Variants in CEP192 observed in about 807,000 individuals in gnomAD.
CEP192 encodes centrosomal protein of 192 kDa.
CEP192 carries 151 observed loss-of-function variants against 271.8 expected under a neutral mutation model. The ratio of observed to expected loss-of-function variants is 0.56; its 90% CI spans 0.49 to 0.64. The LOEUF (loss-of-function observed/expected upper bound fraction) is 0.64, where lower values mean the gene tolerates loss of function less well. Ranked by LOEUF, CEP192 falls within the 30% of genes least tolerant of loss-of-function variation. CEP192 has a pLI of 0.00. For missense variants in CEP192, 2,910 were observed against 3,020.5 expected (o/e 0.96, Z 0.86); for synonymous variants, 995 against 1,076.5 (o/e 0.92, Z 1.48).
chr18:13,092,291 T>C (rs1568403875), intron 33 of CEP192, 86 bp from the exon 34 acceptor site: 4 of 935,948 alleles, frequency 4.3e-6, no homozygotes, highest in Non-Finnish European at 6.3e-6. Context: ...TAATATTCTA[T>C]AGCTATAAAT....
intron 36 of CEP192, among the ~76,000 whole-genome samples, chr18:13,098,049 T>C (rs1198980395): frequency 6.6e-6 from 1 of 152,184 alleles, no homozygotes; most frequent in Non-Finnish European, 1.5e-5. Flanking sequence ...TACTTCTTTC[T>C]ACACAGACAC....
intron 32 of CEP192, among the ~76,000 whole-genome samples, chr18:13,089,139 T>C (rs1455634038): frequency 6.6e-6 from 1 of 152,208 alleles, no homozygotes; most frequent in Admixed American, 6.5e-5. Flanking sequence ...GCATGTTCTT[T>C]TGTGTTCTGA....
At chr18:13,118,126 T>C (rs1228373938) in intron 44 of CEP192, among the ~76,000 whole-genome samples, 1 of 152,220 alleles carries the variant, frequency 6.6e-6, no homozygotes, top group African/African-American at 2.4e-5. Context: ...CTCATTTTCT[T>C]GTCGCTCTTG....
intron 15 of CEP192, among the ~76,000 whole-genome samples, chr18:13,046,324 C>T (rs1195394683): frequency 1.3e-5 from 2 of 152,190 alleles, no homozygotes; most frequent in East Asian, 1.9e-4. Context: ...CCTGGCCTCA[C>T]CTCCAACACT....
intron 9 of CEP192, among the ~76,000 whole-genome samples, chr18:13,025,000 G>C (rs1271832448): frequency 1.3e-5 from 2 of 150,938 alleles, no homozygotes; most frequent in African/African-American, 4.9e-5. Context: ...TCGAACTCCT[G>C]ACCTCAAGTG....
chr18:13,030,386 A>C (rs1173650566), intron 10 of CEP192, 79 bp from the exon 11 acceptor site: 1 of 1,324,338 alleles, frequency 7.6e-7, no homozygotes, highest in Non-Finnish European at 1.0e-6. Context: ...AGTCATCTGA[A>C]TTTAAAAAAA....
intron 13 of CEP192, 38 bp downstream of exon 13, chr18:13,038,617 A>G: frequency 7.0e-7 from 1 of 1,432,384 alleles, no homozygotes; most frequent in South Asian, 1.2e-5. Context: ...CACAGTCACC[A>G]GATTTTAGAT....
At chr18:13,001,631 C>T (rs144983543) in intron 3 of CEP192, 49 bp downstream of exon 3, 73 of 1,471,794 alleles carry the variant, frequency 5.0e-5, no homozygotes, top group African/African-American at 2.7e-4. Flanking sequence ...GTGGGTCTTA[C>T]GCAGTCTTGT....
At chr18:13,008,370 A>G (rs6505777) in intron 3 of CEP192, 86 bp from the exon 4 acceptor site, 630,018 of 973,280 alleles carry the variant, frequency 0.65, 207,760 homozygotes, top group African/African-American at 0.89. Context: ...TTTAAGAGGT[A>G]AAATACATAA....
rs1421781195 is a variant in CEP192 at position 13,124,614 on chromosome 18, G to A, written c.7476-18G>A. On this transcript the variant is annotated intron_variant, in intron 44 of 44. Coordinates refer to ENST00000506447, the MANE Select transcript of CEP192 (RefSeq NM_032142.4). ...TGCTGTCATGACATGCTGCTGTCAT[G>A]TGCCTCTCTCTTTCCAGAGCCCAGC... The A allele has an allele frequency of 6.2e-7, 1 of 1,603,156 alleles. No homozygotes were observed.
chr18:13,084,988 TG>T (rs1353058825), intron 30 of CEP192, among the ~76,000 whole-genome samples: 1 of 150,062 alleles, frequency 6.7e-6, no homozygotes, highest in Non-Finnish European at 1.5e-5. Flanking sequence ...GCTAATTTTT[TG>T]GGTTTTTTTT....
Position 13,087,186 on chromosome 18 carries a change from G to T in CEP192, c.5786G>T (p.Gly1929Val). The T allele has an allele frequency of 1.2e-6, 2 of 1,613,960 alleles. No individual in the cohort carries two copies. Among genetic ancestry groups the T allele is most frequent in the Non-Finnish European group, 1.7e-6 (2 of 1,179,888 alleles). ...CGAGCAGCTTTTGTTAAAGCAGTAGGTTTTAAGGATTCTCAGAAAAAAGTT... is the reference window on the plus strand; with the variant it reads ...CGAGCAGCTTTTGTTAAAGCAGTAGTTTTTAAGGATTCTCAGAAAAAAGTT... The part of the protein sequence containing the change: ...GSRAAFVKAV[G>V]FKDSQKKVLL... The change falls in exon 31 of 45, where the codon GGT becomes GTT. Residue 1929 changes from glycine to valine, a missense_variant. By Grantham distance (109) the Gly-to-Val change is moderately radical. Transcript: ENST00000506447.
chr18:13,008,597 C>T lies in CEP192; in HGVS notation c.432C>T (p.Leu144=). 1 of 1,551,498 alleles carries T rather than the reference C, an allele frequency of 6.4e-7. No individual in the cohort carries two copies. The highest frequency in any genetic ancestry group is 8.7e-7 in the Non-Finnish European group (1 of 1,146,924). Residue 144 remains leucine (L), a synonymous_variant, in exon 4 of 45, where the codon CTC becomes CTT. Coordinates refer to ENST00000506447, the MANE Select transcript of CEP192 (RefSeq NM_032142.4). Reference sequence around the variant, plus strand: ...CAGAATCCTTGCAGGGCCAAGATCTCTTCAACAGGGCTTCACCACTGGAAC... The same window carrying T: ...CAGAATCCTTGCAGGGCCAAGATCTTTTCAACAGGGCTTCACCACTGGAAC... ...GATESLQGQD[L]FNRASPLEQA...
chr18:13,068,304 A>G (rs779150273), intron 23 of CEP192, 55 bp from the exon 24 acceptor site: 15 of 1,601,704 alleles, frequency 9.4e-6, no homozygotes, highest in Admixed American at 3.4e-5. Context: ...TTTCATTAAG[A>G]TAGTAATATT....
At position 13,067,916 on chromosome 18, in the gene CEP192, G is replaced by A. The variant is rs143777613; in HGVS notation, c.4574G>A (p.Arg1525Gln). ...WKALPLKLIN[R>Q]THATVPIRLI... ...GCCCTCCCACTAAAATTGATAAACC[G>A]AACGCATGCCACTGTGCCAATTAGA... Residue 1525 changes from arginine (R) to glutamine (Q), a missense_variant, in exon 22 of 45, where the codon CGA (arginine) becomes CAA (glutamine). Arg to Gln is a conservative substitution (Grantham distance 43, BLOSUM62 1). Transcript: ENST00000506447. 27 of 1,612,934 alleles carry A rather than the reference G, an allele frequency of 1.7e-5. No homozygotes were observed. In the African/African-American group the frequency reaches 2.0e-4, roughly 12 times the overall value.
intron 30 of CEP192, among the ~76,000 whole-genome samples, chr18:13,076,810 A>G (rs1025004295): frequency 1.3e-5 from 2 of 152,032 alleles, no homozygotes; most frequent in African/African-American, 2.4e-5. Context: ...TTGAGACATC[A>G]TCTCACTCTG....
At chr18:13,020,004 T>C (rs2034894462) in intron 9 of CEP192, among the ~76,000 whole-genome samples, 1 of 151,902 alleles carries the variant, frequency 6.6e-6, no homozygotes, top group South Asian at 2.1e-4. Flanking sequence ...AGAGATGGAG[T>C]TTCACCATGT....
intron 9 of CEP192, among the ~76,000 whole-genome samples, chr18:13,023,631 C>T (rs2143332638): frequency 6.6e-6 from 1 of 151,950 alleles, no homozygotes; most frequent in Non-Finnish European, 1.5e-5. Flanking sequence ...ATTTGATTTT[C>T]TAATATTCTG....
At position 13,087,027 on chromosome 18, in the gene CEP192, C is replaced by G. The variant is rs919613686; in HGVS notation, c.5627C>G (p.Ser1876Cys). ...GTATATCTTTTTTAGATACCTTTGT[C>G]TGGATATGGAGGAACAAGCAATCTT... ...QPGIKFTIPL[S>C]GYGGTSNLIL... Residue 1876 changes from serine to cysteine, a missense_variant, in exon 31 of 45, where the codon TCT becomes TGT. By Grantham distance (112) the Ser-to-Cys change is moderately radical. Coordinates refer to ENST00000506447, the MANE Select transcript of CEP192 (RefSeq NM_032142.4). 6.2e-7 allele frequency: 1 copy of G among 1,604,618 alleles called. No individual in the cohort carries two copies. Among genetic ancestry groups the G allele is most frequent in the Non-Finnish European group, 8.5e-7 (1 of 1,173,284 alleles).
Sources: allele counts gnomAD v4.1 joint callset (sites outside exome capture counted in the v4.1 genomes callset), GRCh38; gene constraint gnomAD v4.1.1; transcripts MANE v1.5; gene names NCBI Gene and HGNC (gene_info 2026-07-23, HGNC 2026-07-21).